Variants in SOD2 observed in about 807,000 individuals in gnomAD.
SOD2 encodes the protein superoxide dismutase [Mn], mitochondrial.
SOD2 carries 11 observed loss-of-function variants against 27.0 expected under a neutral mutation model. The observed-to-expected ratio is 0.41, with a 90% CI of 0.26 to 0.67. The LOEUF is 0.67. Ranked by LOEUF, SOD2 falls within the 30% of genes least tolerant of loss-of-function variation. The probability of loss-of-function intolerance (pLI) is 0.34; values close to 1 mark genes in which losing one functional copy is unlikely to be tolerated. For missense variants in SOD2, 250 were observed against 274.5 expected, an observed-to-expected ratio of 0.91 and a Z score of 0.63; for synonymous variants, 105 against 103.0, an observed-to-expected ratio of 1.02 and a Z score of -0.12.
Position 159,680,365 on chromosome 6 carries a change from A to G in SOD2, c.*2128T>C, listed in dbSNP as rs962103932. On this transcript the variant is annotated 3_prime_UTR_variant, in exon 5 of 5. Transcript: ENST00000538183. The stretch of plus-strand genomic sequence containing the variant: ...GACACATATATAATGAAAAGTAATC[A>G]GTCTCCAAAGTTTTTCCAATCCACA... 2.6e-5 allele frequency: 4 copies of G among 152,196 alleles called. No homozygotes were observed. Among genetic ancestry groups the G allele is most frequent in the African/African-American group, 9.7e-5 (4 of 41,434 alleles). The allele number at this position is 152,196 out of a possible 1,614,324, so 9.4% of individuals were successfully genotyped here.
At chr6:159,755,606 T>C (rs1297622851) in intron 1 of SOD2, 4 of 1,590,684 alleles carry the variant, frequency 2.5e-6, no homozygotes, top group South Asian at 2.3e-5. Flanking sequence ...GGGTTCAGTT[T>C]TGTAATATTT....
intron 1 of SOD2, chr6:159,736,536 A>G: frequency 5.2e-6 from 2 of 382,428 alleles, no homozygotes; most frequent in African/African-American, 2.1e-5. Context: ...TAATATTCCC[A>G]TGGTCTACTC....
At chr6:159,685,737 A>C (rs1166369892) in intron 3 of SOD2, among the ~76,000 whole-genome samples, 1 of 151,288 alleles carries the variant, frequency 6.6e-6, no homozygotes, top group Non-Finnish European at 1.5e-5. Flanking sequence ...TTATATCCAT[A>C]AGTACTCCAT....
At chr6:159,697,565 G>A (rs1387165904), upstream of SOD2, among the ~76,000 whole-genome samples, 1 of 152,172 alleles carries the variant, frequency 6.6e-6, no homozygotes, top group East Asian at 1.9e-4. Context: ...GAGGAGCTTG[G>A]TTCAGAACAA....
chr6:159,685,096 G>A (rs534785762), intron 3 of SOD2, 63 bp from the exon 4 acceptor site: 9 of 1,208,040 alleles, frequency 7.5e-6, no homozygotes, highest in Non-Finnish European at 1.0e-5. Context: ...ACAGTAAAAT[G>A]TTATATTACA....
intron 1 of SOD2, among the ~76,000 whole-genome samples, chr6:159,698,370 TGCACTCC>T (rs1777464610): frequency 6.6e-6 from 1 of 151,166 alleles, no homozygotes; most frequent in African/African-American, 2.4e-5. Context: ...CACTGCACTC[TGCACTCC>T]AGTCTGGGGA....
At chr6:159,735,571 A>C (rs1778858687) in intron 1 of SOD2, among the ~76,000 whole-genome samples, 1 of 152,146 alleles carries the variant, frequency 6.6e-6, no homozygotes, top group South Asian at 2.1e-4. Flanking sequence ...CAACACGGTG[A>C]AACCCCGTCT....
At chr6:159,731,140 CAAAA>C (rs892276964), upstream of SOD2, among the ~76,000 whole-genome samples, 5 of 149,956 alleles carry the variant, frequency 3.3e-5, no homozygotes, top group African/African-American at 9.8e-5. Context: ...GACTACGTCT[CAAAA>C]AAAAGAAAAA....
At chr6:159,745,437 C>CTTT (rs34144985), upstream of SOD2, among the ~76,000 whole-genome samples, 1 of 145,192 alleles carries the variant, frequency 6.9e-6, no homozygotes, top group African/African-American at 2.5e-5. Context: ...CCTTTTCCAG[C>CTTT]TTTTTTTTTT....
At chr6:159,710,808 C>A (rs1403135734) in intron 1 of SOD2, among the ~76,000 whole-genome samples, 1 of 151,392 alleles carries the variant, frequency 6.6e-6, no homozygotes, top group African/African-American at 2.4e-5. Context: ...TCCATAACCG[C>A]CTCCACAACC....
At chr6:159,731,329 G>A (rs1240538882), upstream of SOD2, among the ~76,000 whole-genome samples, 1 of 151,466 alleles carries the variant, frequency 6.6e-6, no homozygotes, top group Non-Finnish European at 1.5e-5. Context: ...TTAGCTGGGC[G>A]TGGTGGTTCA....
intron 1 of SOD2, among the ~76,000 whole-genome samples, chr6:159,750,755 A>AT (rs201675421): frequency 0.019 from 2,868 of 152,292 alleles, 101 homozygotes; most frequent in African/African-American, 0.065. Flanking sequence ...TTATAAATGG[A>AT]TTTTTTTCTA....
At chr6:159,712,601 G>C (rs76993980) in intron 1 of SOD2, among the ~76,000 whole-genome samples, 7,839 of 90,010 alleles carry the variant, frequency 0.087, 390 homozygotes, top group Admixed American at 0.23. Flanking sequence ...CCTCCACAAC[G>C]ACCACTCAGC....
chr6:159,703,944 G>C (rs535667921), intron 1 of SOD2, among the ~76,000 whole-genome samples: 1 of 152,296 alleles, frequency 6.6e-6, no homozygotes, highest in African/African-American at 2.4e-5. Flanking sequence ...GTTACAGTAA[G>C]CATGTGACAC....
Position 159,725,195 on chromosome 6 carries a change from G to A in SOD2, c.-116+1934C>T, listed in dbSNP as rs181225626. Among the ~76,000 whole-genome samples, 535 of 152,198 alleles carry A rather than the reference G, an allele frequency of 3.5e-3. 6 individuals carry two copies. Among genetic ancestry groups the A allele is most frequent in the South Asian group, 0.026 (125 of 4,818 alleles). On this transcript the variant is annotated intron_variant, in intron 1 of 2. Coordinates refer to the SOD2 transcript ENST00000401980. ...AGAGTACTGTGTTCAAAAGCTCAGA[G>A]GGGCCAGTGGTGGTGGTTCATTCCT...
chr6:159,687,586 G>C (rs1036593905), intron 3 of SOD2, among the ~76,000 whole-genome samples: 4 of 152,110 alleles, frequency 2.6e-5, no homozygotes, highest in African/African-American at 9.7e-5. Flanking sequence ...ATGTTGGCGT[G>C]AACATAAAAT....
At chr6:159,738,783 A>C (rs569838815) in intron 1 of SOD2, among the ~76,000 whole-genome samples, 1 of 152,012 alleles carries the variant, frequency 6.6e-6, no homozygotes, top group Admixed American at 6.6e-5. Context: ...TTTAATGTGC[A>C]TTTTCCTAAT....
At chr6:159,755,744 T>TA in intron 1 of SOD2, 5 of 1,188,538 alleles carry the variant, frequency 4.2e-6, no homozygotes, top group Admixed American at 3.9e-5. Flanking sequence ...TTGTTTTTTT[T>TA]CTTTGTTTTT....
In SOD2 at chr6:159,727,329, C is replaced by T. The variant is rs1778232639; in HGVS notation, c.-316G>A. On this transcript the variant is annotated 5_prime_UTR_variant, in exon 1 of 3. Coordinates refer to the SOD2 transcript ENST00000401980. ...CTGCGGCCACGCCTGAAAGGCGACTCTCCTGTGAGTGGGCCAGAAGGCGAA... is the reference window on the plus strand; with the variant it reads ...CTGCGGCCACGCCTGAAAGGCGACTTTCCTGTGAGTGGGCCAGAAGGCGAA... The T allele has an allele frequency of 3.2e-6, 4 of 1,259,274 alleles. No homozygotes were observed. In the African/African-American group the frequency reaches 4.9e-5, roughly 15 times the overall value. The allele number at this position is 1,259,274 out of a possible 1,614,324, so 78.0% of individuals were successfully genotyped here. A position where few individuals can be genotyped will look rare whatever the true frequency, so the allele number is the denominator to read the frequency against.
Sources: allele counts gnomAD v4.1 joint callset (sites outside exome capture counted in the v4.1 genomes callset), GRCh38; gene constraint gnomAD v4.1.1; transcripts MANE v1.5; gene names NCBI Gene and HGNC (gene_info 2026-07-23, HGNC 2026-07-21).